The following EIF4EBP1 variants were observed in gnomAD, a reference collection of about 807,000 sequenced individuals.
The protein encoded by EIF4EBP1 is eukaryotic translation initiation factor 4E-binding protein 1.
In EIF4EBP1, 5 loss-of-function variants were observed where a neutral mutation model predicts 9.2. The ratio of observed to expected loss-of-function variants is 0.54; its 90% CI spans 0.28 to 1.14. The LOEUF is 1.14. EIF4EBP1 is among the 50% of genes most tolerant of loss of function. The pLI, the probability that EIF4EBP1 is intolerant of heterozygous loss-of-function variation, is 0.09. For synonymous variants in EIF4EBP1, 62 were observed against 67.0 expected (o/e 0.93, Z 0.36); for missense variants, 139 against 169.6 (o/e 0.82, Z 1.00).
intron 1 of EIF4EBP1, among the ~76,000 whole-genome samples, chr8:38,045,510 G>A (rs1279022306): frequency 1.3e-5 from 2 of 150,656 alleles, no homozygotes; most frequent in Admixed American, 6.6e-5. Context: ...TTCAAGACCA[G>A]TCAAGGCAAC....
chr8:38,041,079 C>T (rs1275145876), intron 1 of EIF4EBP1, among the ~76,000 whole-genome samples: 4 of 152,150 alleles, frequency 2.6e-5, no homozygotes, highest in African/African-American at 7.2e-5. Flanking sequence ...GGATTACAGG[C>T]GTGAGCCATC....
intron 1 of EIF4EBP1, among the ~76,000 whole-genome samples, chr8:38,047,043 C>G (rs186180310): frequency 8.3e-4 from 127 of 152,266 alleles, no homozygotes; most frequent in Non-Finnish European, 1.6e-4. Flanking sequence ...CCTCACCCCT[C>G]GGGCACTGGA....
At chr8:38,035,713 A>AT (rs1168659350) in intron 1 of EIF4EBP1, among the ~76,000 whole-genome samples, 3 of 149,080 alleles carry the variant, frequency 2.0e-5, no homozygotes, top group Non-Finnish European at 3.0e-5. Context: ...TTATTTATTT[A>AT]TTATTATTTT....
intron 1 of EIF4EBP1, among the ~76,000 whole-genome samples, chr8:38,056,041 A>G (rs144288824): frequency 6.6e-6 from 1 of 150,994 alleles, no homozygotes; most frequent in African/African-American, 2.4e-5. Context: ...TTTTTTTTGG[A>G]ACTGTCTTTT....
intron 1 of EIF4EBP1, among the ~76,000 whole-genome samples, chr8:38,048,309 C>T (rs1409393868): frequency 6.6e-6 from 1 of 151,730 alleles, no homozygotes; most frequent in Non-Finnish European, 1.5e-5. Context: ...TAAAAGTAAA[C>T]ATTTGTTGTT....
chr8:38,044,349 T>C (rs1301736213), intron 1 of EIF4EBP1, among the ~76,000 whole-genome samples: 1 of 152,198 alleles, frequency 6.6e-6, no homozygotes, highest in Non-Finnish European at 1.5e-5. Context: ...GGGAACATCC[T>C]GTTCTGACAA....
At chr8:38,057,305 G>A (rs1563236625) in intron 2 of EIF4EBP1, 45 bp downstream of exon 2, 1 of 1,540,484 alleles carries the variant, frequency 6.5e-7, no homozygotes, top group Middle Eastern at 2.1e-4. Flanking sequence ...GAAAGGGAAT[G>A]TATGAGGCTC....
chr8:38,057,379 C>A, intron 2 of EIF4EBP1, 119 bp downstream of exon 2: 1 of 1,240,806 alleles, frequency 8.1e-7, no homozygotes, highest in Non-Finnish European at 1.1e-6. Context: ...GCCCTACCCT[C>A]TAAGGAGCAG....
At chr8:38,050,558 C>T (rs747773393) in intron 1 of EIF4EBP1, among the ~76,000 whole-genome samples, 1 of 152,122 alleles carries the variant, frequency 6.6e-6, no homozygotes, top group Non-Finnish European at 1.5e-5. Context: ...CCGTGTTGCT[C>T]AGGCTGGTCT....
intron 1 of EIF4EBP1, among the ~76,000 whole-genome samples, chr8:38,051,412 GAGGA>G (rs1809522404): frequency 6.6e-6 from 1 of 152,072 alleles, no homozygotes; most frequent in African/African-American, 2.4e-5. Flanking sequence ...TGACTTTTGA[GAGGA>G]GTAGGAGAAA....
intron 1 of EIF4EBP1, among the ~76,000 whole-genome samples, chr8:38,038,507 C>CAAA (rs71216646): frequency 3.9e-5 from 5 of 127,128 alleles, no homozygotes; most frequent in Admixed American, 8.3e-5. Context: ...GACTCCATCT[C>CAAA]AAAAAAAAAA....
chr8:38,036,753 A>G (rs944454137), intron 1 of EIF4EBP1, among the ~76,000 whole-genome samples: 5 of 151,858 alleles, frequency 3.3e-5, no homozygotes, highest in Non-Finnish European at 7.4e-5. Context: ...GGCTCAAGCA[A>G]TCCTCCCATC....
intron 1 of EIF4EBP1, among the ~76,000 whole-genome samples, chr8:38,036,132 A>G (rs1350296257): frequency 6.6e-6 from 1 of 151,874 alleles, no homozygotes; most frequent in Non-Finnish European, 1.5e-5. Flanking sequence ...CGGCCTCCCG[A>G]GTAGCTGGGA....
intron 1 of EIF4EBP1, among the ~76,000 whole-genome samples, chr8:38,056,194 G>A (rs2130400440): frequency 6.6e-6 from 1 of 152,126 alleles, no homozygotes; most frequent in East Asian, 1.9e-4. Context: ...GTCTCTCTAA[G>A]TTGTCCAGGC....
intron 1 of EIF4EBP1, among the ~76,000 whole-genome samples, chr8:38,054,953 A>G (rs939930942): frequency 1.3e-5 from 2 of 152,094 alleles, no homozygotes; most frequent in East Asian, 3.9e-4. Context: ...CGGAGCCCAA[A>G]TGCACCCTGG....
At chr8:38,045,526 A>G (rs1366097480) in intron 1 of EIF4EBP1, among the ~76,000 whole-genome samples, 2 of 151,598 alleles carry the variant, frequency 1.3e-5, no homozygotes, top group East Asian at 2.0e-4. Context: ...GCAACATGAC[A>G]AAACCTTGTC....
intron 1 of EIF4EBP1, among the ~76,000 whole-genome samples, chr8:38,046,505 C>G (rs1213149070): frequency 6.6e-6 from 1 of 152,140 alleles, no homozygotes; most frequent in Non-Finnish European, 1.5e-5. Context: ...GCTTACCTGT[C>G]CTCTGATTTA....
At chr8:38,037,901 G>A (rs904964396) in intron 1 of EIF4EBP1, among the ~76,000 whole-genome samples, 3 of 151,906 alleles carry the variant, frequency 2.0e-5, no homozygotes, top group East Asian at 3.9e-4. Flanking sequence ...AGCCTCTCCA[G>A]TAGCTGGGAC....
Position 38,056,893 on chromosome 8 carries a change from C to A in EIF4EBP1, c.146-188C>A, listed in dbSNP as rs560205825. Among the ~76,000 whole-genome samples, 3 of 152,164 alleles carry A rather than the reference C, an allele frequency of 2.0e-5. No homozygotes were observed. In the East Asian group the frequency reaches 5.8e-4, roughly 29 times the overall value. The stretch of plus-strand genomic sequence containing the variant: ...AGCCAGGCTGGTCTCGAACTCCTGA[C>A]CTCAGGTGATCCACCCATGTTGGTC... On this transcript the variant is annotated intron_variant, in intron 1 of 2. Coordinates refer to ENST00000338825, the MANE Select transcript of EIF4EBP1 (RefSeq NM_004095.4).
Sources: allele counts gnomAD v4.1 joint callset (sites outside exome capture counted in the v4.1 genomes callset), GRCh38; gene constraint gnomAD v4.1.1; transcripts MANE v1.5; gene names NCBI Gene and HGNC (gene_info 2026-07-23, HGNC 2026-07-21).